PLSCR4: variants seen among roughly 807,000 people sequenced by gnomAD.
PLSCR4 encodes phospholipid scramblase 4.
PLSCR4 carries 25 observed loss-of-function variants against 36.3 expected under a neutral mutation model. The ratio of observed to expected loss-of-function variants is 0.69; its 90% CI spans 0.50 to 0.96. The LOEUF is 0.96. Among genes scored for constraint, PLSCR4 ranks in the 40% least tolerant of loss-of-function variants. PLSCR4 has a pLI of 0.00. For synonymous variants in PLSCR4, 122 were observed against 132.9 expected (o/e 0.92, Z 0.56); for missense variants, 408 against 414.7 (o/e 0.98, Z 0.14).
intron 6 of PLSCR4, 52 bp from the exon 7 acceptor site, chr3:146,196,845 C>T: frequency 6.7e-7 from 1 of 1,491,938 alleles, no homozygotes; most frequent in East Asian, 2.3e-5. Flanking sequence ...TACACATACA[C>T]TTACACATAC....
rs112500568 is a variant in PLSCR4 at position 146,220,998 on chromosome 3, T to C, written c.8-73A>G. 1.6e-5 allele frequency: 14 copies of C among 855,848 alleles called. No homozygotes were observed. In the African/African-American group the frequency reaches 2.1e-4, roughly 13 times the overall value. 53.0% of individuals were successfully genotyped at this position (855,848 alleles called of 1,614,324 possible). ...AATGACAAAATGTATTCTTTTTCCTTTCTTATGGGAATGCATCAAGAAATA... is the reference window on the plus strand; with the variant it reads ...AATGACAAAATGTATTCTTTTTCCTCTCTTATGGGAATGCATCAAGAAATA... On this transcript the variant is annotated intron_variant, in intron 2 of 8. Coordinates refer to ENST00000354952, the MANE Select transcript of PLSCR4 (RefSeq NM_020353.3).
intron 2 of PLSCR4, 53 bp from the exon 3 acceptor site, chr3:146,220,978 C>A (rs2035111741): frequency 9.5e-7 from 1 of 1,057,630 alleles, no homozygotes. Flanking sequence ...AATATAATGA[C>A]AAAATGTATT....
rs767478048 is a variant in PLSCR4, at chr3:146,199,899, C to A, written c.538G>T (p.Asp180Tyr). The stretch of plus-strand genomic sequence containing the variant: ...GTCATGATTTCTCGGCCCATACAAT[C>A]AGTGACCCGGAGGACGAAGGGCCTT... ...TLRPFVLRVT[D>Y]CMGREIMTMQ... The change falls in exon 6 of 9, where the codon GAT becomes TAT. Residue 180 changes from aspartate to tyrosine, a missense_variant. Coordinates refer to ENST00000354952, the MANE Select transcript of PLSCR4 (RefSeq NM_020353.3). The A allele has an allele frequency of 3.1e-6, 5 of 1,613,612 alleles. No individual in the cohort carries two copies. Among genetic ancestry groups the A allele is most frequent in the Admixed American group, 1.7e-5 (1 of 59,870 alleles).
intron 1 of PLSCR4, among the ~76,000 whole-genome samples, chr3:146,236,538 T>C (rs916874512): frequency 6.6e-6 from 1 of 152,148 alleles, no homozygotes; most frequent in Non-Finnish European, 1.5e-5. Context: ...TTTTCTGTGC[T>C]GCTTTTCTGA....
chr3:146,232,168 T>A (rs556006425), intron 1 of PLSCR4, among the ~76,000 whole-genome samples: 1 of 152,312 alleles, frequency 6.6e-6, no homozygotes, highest in Admixed American at 6.5e-5. Flanking sequence ...TGGTTGTAAG[T>A]GTGCAGCTTT....
chr3:146,201,771 T>C (rs1218577597), intron 4 of PLSCR4, among the ~76,000 whole-genome samples: 1 of 151,972 alleles, frequency 6.6e-6, no homozygotes, highest in East Asian at 1.9e-4. Flanking sequence ...TATATACCAT[T>C]AGAGAAATTT....
intron 1 of PLSCR4, among the ~76,000 whole-genome samples, chr3:146,235,324 G>GTT (rs1304059578): frequency 6.6e-6 from 1 of 152,012 alleles, no homozygotes; most frequent in Non-Finnish European, 1.5e-5. Flanking sequence ...ACATCTAGTT[G>GTT]TTTAAAAGTG....
chr3:146,207,134 GTATAATTACTAACA>G (rs2034380139), intron 3 of PLSCR4, among the ~76,000 whole-genome samples: 1 of 151,966 alleles, frequency 6.6e-6, no homozygotes, highest in Non-Finnish European at 1.5e-5. Flanking sequence ...AATTACTAAC[GTATAATTACTAACA>G]TATAATTACT....
At chr3:146,194,549 A>C in intron 8 of PLSCR4, 94 bp from the exon 9 acceptor site, 1 of 753,712 alleles carries the variant, frequency 1.3e-6, no homozygotes, top group South Asian at 1.8e-5. Context: ...GGATTCCCCC[A>C]TTCCAGTTAA....
intron 1 of PLSCR4, among the ~76,000 whole-genome samples, chr3:146,225,987 G>A (rs1285428321): frequency 2.0e-5 from 3 of 152,228 alleles, no homozygotes; most frequent in Non-Finnish European, 2.9e-5. Flanking sequence ...TCACCTCGCA[G>A]TATGATTCCA....
intron 5 of PLSCR4, among the ~76,000 whole-genome samples, 166 bp downstream of exon 5, chr3:146,200,869 T>C (rs935706311): frequency 2.0e-5 from 3 of 152,090 alleles, no homozygotes; most frequent in Non-Finnish European, 4.4e-5. Flanking sequence ...GATAAAATTA[T>C]ACAAAATAAT....
chr3:146,223,044 T>G (rs550254078), intron 1 of PLSCR4, among the ~76,000 whole-genome samples: 1 of 151,540 alleles, frequency 6.6e-6, no homozygotes, highest in Non-Finnish European at 1.5e-5. Flanking sequence ...GAGAGGAGGA[T>G]AGTGGGGGAA....
intron 1 of PLSCR4, among the ~76,000 whole-genome samples, chr3:146,244,599 A>G (rs368176067): frequency 1.3e-5 from 2 of 152,030 alleles, no homozygotes; most frequent in African/African-American, 4.8e-5. Context: ...GGACCCCATG[A>G]ACCATGCCTA....
intron 1 of PLSCR4, among the ~76,000 whole-genome samples, chr3:146,247,045 T>C (rs982649056): frequency 9.9e-5 from 15 of 152,182 alleles, no homozygotes; most frequent in African/African-American, 3.6e-4. Context: ...TTTCTGTGTC[T>C]TTTTCTTTTC....
chr3:146,220,581 A>G (rs796112078), intron 3 of PLSCR4, among the ~76,000 whole-genome samples: 7 of 152,330 alleles, frequency 4.6e-5, no homozygotes, highest in African/African-American at 1.7e-4. Context: ...ATCTCCATAT[A>G]GAATGGAGAG....
intron 1 of PLSCR4, among the ~76,000 whole-genome samples, chr3:146,244,043 A>AT (rs1559930219): frequency 1.3e-5 from 2 of 152,028 alleles, no homozygotes; most frequent in African/African-American, 4.8e-5. Context: ...GATACATCCT[A>AT]TTTTTTACTG....
intron 6 of PLSCR4, among the ~76,000 whole-genome samples, 185 bp from the exon 7 acceptor site, chr3:146,196,978 C>G (rs570267789): frequency 9.9e-5 from 15 of 152,250 alleles, no homozygotes; most frequent in Admixed American, 4.6e-4. Flanking sequence ...AAAGCTTTAA[C>G]GGATGAGGTC....
At chr3:146,199,077 A>T (rs79691977) in intron 6 of PLSCR4, among the ~76,000 whole-genome samples, 2 of 152,242 alleles carry the variant, frequency 1.3e-5, no homozygotes, top group East Asian at 3.9e-4. Context: ...TTAGTAAAGG[A>T]TGTTATTTAA....
In PLSCR4 at chr3:146,194,274, T is replaced by C. The variant is rs2033582440; in HGVS notation, c.*137A>G. 1 of 656,864 alleles carries C rather than the reference T, an allele frequency of 1.5e-6. No individual in the cohort carries two copies. Among genetic ancestry groups the C allele is most frequent in the Non-Finnish European group, 2.7e-6 (1 of 363,974 alleles). 40.7% of individuals were successfully genotyped at this position (656,864 alleles called of 1,614,324 possible). ...GTGTTCTTGCAAGCCCACTCTCAGC[T>C]GTCAAAGTTAACACCCAATAAAAAT... On this transcript the variant is annotated 3_prime_UTR_variant, in exon 9 of 9. Transcript: ENST00000354952.
Sources: gnomAD v4.1 joint callset for allele counts (sites outside exome capture counted in the v4.1 genomes callset) on GRCh38, gnomAD v4.1.1 for gene constraint, MANE v1.5 for transcripts, NCBI Gene and HGNC (gene_info 2026-07-23, HGNC 2026-07-21) for gene names.